Variants in GAS7 observed in about 807,000 individuals in gnomAD.
GAS7 encodes the protein growth arrest specific 7.
GAS7 carries 28 observed loss-of-function variants against 71.1 expected under a neutral mutation model. The observed-to-expected ratio is 0.39, with a 90% CI of 0.29 to 0.54. The LOEUF is 0.54. GAS7 is among the 20% of genes least tolerant of loss of function. The pLI is 0.62. For missense variants in GAS7, 436 were observed against 627.8 expected (o/e 0.69, Z 3.27); for synonymous variants, 258 against 245.8 (o/e 1.05, Z -0.46).
intron 1 of GAS7, among the ~76,000 whole-genome samples, chr17:10,040,356 T>C (rs191975847): frequency 3.9e-5 from 6 of 152,098 alleles, no homozygotes; most frequent in Admixed American, 3.3e-4. Context: ...GTGAGAAATA[T>C]AGTAGTGAAG....
intron 1 of GAS7, among the ~76,000 whole-genome samples, chr17:10,047,713 G>A (rs2072999748): frequency 6.6e-6 from 1 of 152,156 alleles, no homozygotes; most frequent in Non-Finnish European, 1.5e-5. Context: ...GGATGACAAA[G>A]AAGATAGTGG....
chr17:10,140,529 G>C (rs991147325), intron 1 of GAS7, among the ~76,000 whole-genome samples: 3 of 152,160 alleles, frequency 2.0e-5, no homozygotes, highest in Non-Finnish European at 4.4e-5. Context: ...CTATGTCTAT[G>C]TGTGTATATA....
At chr17:10,035,290 CA>C (rs1235423360) in intron 1 of GAS7, among the ~76,000 whole-genome samples, 4 of 152,148 alleles carry the variant, frequency 2.6e-5, no homozygotes, top group Non-Finnish European at 5.9e-5. Context: ...TTCCTCACAG[CA>C]GCAAATCTCC....
intron 1 of GAS7, among the ~76,000 whole-genome samples, chr17:10,053,575 T>C (rs2073092688): frequency 6.6e-6 from 1 of 152,090 alleles, no homozygotes; most frequent in Non-Finnish European, 1.5e-5. Flanking sequence ...CCAGGAACCA[T>C]CTCTCCAGAA....
intron 1 of GAS7, among the ~76,000 whole-genome samples, chr17:10,047,543 G>T (rs543380524): frequency 6.6e-6 from 1 of 152,190 alleles, no homozygotes; most frequent in Admixed American, 6.5e-5. Context: ...CAAAAGCAGG[G>T]TGAGGAAACA....
intron 1 of GAS7, among the ~76,000 whole-genome samples, chr17:10,029,447 A>T (rs2152217745): frequency 6.6e-6 from 1 of 152,376 alleles, no homozygotes; most frequent in South Asian, 2.1e-4. Flanking sequence ...AGCAGCTTAC[A>T]GAAATGCATA....
chr17:10,115,328 G>A (rs1201040088), intron 1 of GAS7, among the ~76,000 whole-genome samples: 2 of 152,158 alleles, frequency 1.3e-5, no homozygotes, highest in Admixed American at 1.3e-4. Flanking sequence ...TGCACAGGCG[G>A]GGGGAACGCT....
intron 1 of GAS7, among the ~76,000 whole-genome samples, chr17:10,192,975 A>T (rs2074513650): frequency 6.6e-6 from 1 of 152,164 alleles, no homozygotes; most frequent in Non-Finnish European, 1.5e-5. Flanking sequence ...AAATACTAGC[A>T]TGAGGGACAA....
chr17:10,021,508 T>C lies in GAS7; in HGVS notation c.184-1611A>G, dbSNP rs187278960. On this transcript the variant is annotated intron_variant, in intron 1 of 13. Transcript: ENST00000432992. ...CGTAGCTGCGGTGTAAGTTTCACAA[T>C]GCATTTTCACAACTTAATTAAAAGC... Among the ~76,000 whole-genome samples the C allele has an allele frequency of 1.2e-3, 189 of 152,324 alleles. 2 individuals are homozygous for C. The highest frequency in any genetic ancestry group is 4.4e-3 in the African/African-American group (183 of 41,580).
intron 1 of GAS7, among the ~76,000 whole-genome samples, chr17:10,055,887 A>G (rs1289180955): frequency 2.0e-5 from 3 of 152,072 alleles, no homozygotes; most frequent in Non-Finnish European, 1.5e-5. Flanking sequence ...CCTGGTCCCA[A>G]TCTCCATTTT....
chr17:10,116,229 G>C (rs2073860084), intron 1 of GAS7, among the ~76,000 whole-genome samples: 1 of 151,964 alleles, frequency 6.6e-6, no homozygotes, highest in African/African-American at 2.4e-5. Flanking sequence ...GAGAAGAATT[G>C]CTTGAACCCA....
At chr17:10,168,606 T>C (rs539128780) in intron 1 of GAS7, among the ~76,000 whole-genome samples, 3 of 152,328 alleles carry the variant, frequency 2.0e-5, no homozygotes, top group East Asian at 3.9e-4. Context: ...AACCCATTTC[T>C]TCCCCCTGCA....
intron 2 of GAS7, among the ~76,000 whole-genome samples, chr17:10,017,716 A>G (rs1215855716): frequency 1.3e-5 from 2 of 152,124 alleles, no homozygotes; most frequent in East Asian, 1.9e-4. Context: ...ACACAGCTAC[A>G]CTCATTTGTT....
chr17:10,010,441 C>T (rs1340178410), intron 2 of GAS7, among the ~76,000 whole-genome samples: 2 of 152,124 alleles, frequency 1.3e-5, no homozygotes, highest in East Asian at 1.9e-4. Flanking sequence ...CATGAGCCAC[C>T]GCGCCCAGCC....
At chr17:10,148,467 A>G (rs994537737) in intron 1 of GAS7, among the ~76,000 whole-genome samples, 12 of 133,640 alleles carry the variant, frequency 9.0e-5, no homozygotes, top group African/African-American at 3.5e-4. Context: ...AAAAAAAAAA[A>G]ATTAGCCAGG....
At chr17:10,189,755 A>G (rs1031126625) in intron 1 of GAS7, among the ~76,000 whole-genome samples, 7 of 152,068 alleles carry the variant, frequency 4.6e-5, no homozygotes, top group Admixed American at 1.3e-4. Context: ...CCTGGCCAAC[A>G]TGGCAAAACC....
At chr17:9,943,052 C>G (rs569144429) in intron 7 of GAS7, 69 bp downstream of exon 7, 9 of 975,666 alleles carry the variant, frequency 9.2e-6, no homozygotes, top group Admixed American at 1.8e-5. Context: ...GCTGTCGCCC[C>G]GCCCCGGCCA....
At chr17:10,016,610 A>AC (rs2072019910) in intron 2 of GAS7, among the ~76,000 whole-genome samples, 1 of 145,520 alleles carries the variant, frequency 6.9e-6, no homozygotes, top group Non-Finnish European at 1.5e-5. Context: ...ACCAAAAAAA[A>AC]AAAAAAAAAA....
intron 5 of GAS7, among the ~76,000 whole-genome samples, chr17:9,947,905 T>C (rs2068856225): frequency 6.6e-6 from 1 of 151,560 alleles, no homozygotes; most frequent in Non-Finnish European, 1.5e-5. Context: ...GCCCCTCCTC[T>C]TCCTCCTCCT....
Sources: allele counts gnomAD v4.1 joint callset (sites outside exome capture counted in the v4.1 genomes callset), GRCh38; gene constraint gnomAD v4.1.1; transcripts MANE v1.5; gene names NCBI Gene and HGNC (gene_info 2026-07-23, HGNC 2026-07-21).